Variants in CIRSR observed in about 807,000 individuals in gnomAD.
CIRSR encodes CBF1 (RBPJ) interacting corepressor 1.
At chr2:174,378,994 T>C in the CIRSR span, 7 of 1,613,984 alleles carry the variant, frequency 4.3e-6, no homozygotes, top group East Asian at 2.2e-5. Context: ...TCGATCTGTG[T>C]TGACATGACC....
chr2:174,354,645 AT>A, the CIRSR span, among the ~76,000 whole-genome samples: 55 of 79,038 alleles, frequency 7.0e-4, no homozygotes, highest in Non-Finnish European at 9.9e-4. Flanking sequence ...TATATTATAT[AT>A]TTTTATATAT....
the CIRSR span, among the ~76,000 whole-genome samples, chr2:174,349,799 C>G: frequency 6.6e-6 from 1 of 151,854 alleles, no homozygotes; most frequent in African/African-American, 2.4e-5. Flanking sequence ...TAAAGAAAGC[C>G]TGTGAAAGGT....
At chr2:174,349,046 A>AGAG in the CIRSR span, 29 of 1,592,030 alleles carry the variant, frequency 1.8e-5, no homozygotes, top group African/African-American at 8.1e-5. Flanking sequence ...CAGTAGAGGA[A>AGAG]GAGGAGGAGG....
chr2:174,385,802 A>C, the CIRSR span, among the ~76,000 whole-genome samples: 1 of 152,248 alleles, frequency 6.6e-6, no homozygotes, highest in Non-Finnish European at 1.5e-5. Flanking sequence ...TAGAAAATTA[A>C]TAGTAACTAG....
chr2:174,348,816 C>T, the CIRSR span: 6 of 1,614,154 alleles, frequency 3.7e-6, no homozygotes, highest in East Asian at 1.3e-4. Flanking sequence ...GCTGTCCTCC[C>T]TAGAACTCTC....
chr2:174,394,664 T>TG, the CIRSR span, among the ~76,000 whole-genome samples: 13 of 152,038 alleles, frequency 8.6e-5, no homozygotes, highest in Non-Finnish European at 1.6e-4. Flanking sequence ...AAGGTAACAG[T>TG]GAAAAAAAAG....
At chr2:174,361,955 T>G in the CIRSR span, among the ~76,000 whole-genome samples, 1 of 152,178 alleles carries the variant, frequency 6.6e-6, no homozygotes, top group African/African-American at 2.4e-5. Flanking sequence ...TACCATATTA[T>G]CCTATCTACT....
At chr2:174,351,961 G>C in the CIRSR span, 1 of 341,120 alleles carries the variant, frequency 2.9e-6, no homozygotes, top group Non-Finnish European at 5.3e-6. Context: ...ATGTAACTTT[G>C]TCATATTGAA....
At chr2:174,385,263 G>C in the CIRSR span, among the ~76,000 whole-genome samples, 1 of 138,376 alleles carries the variant, frequency 7.2e-6, no homozygotes, top group Non-Finnish European at 1.6e-5. Context: ...TAGGAAAAAA[G>C]TATAAAGCGA....
the CIRSR span, among the ~76,000 whole-genome samples, chr2:174,355,584 G>C: frequency 6.6e-6 from 1 of 152,146 alleles, no homozygotes. Context: ...TCCATGTTCT[G>C]ATTAGACCCA....
the CIRSR span, among the ~76,000 whole-genome samples, chr2:174,372,386 C>G: frequency 6.6e-6 from 1 of 152,118 alleles, no homozygotes; most frequent in African/African-American, 2.4e-5. Flanking sequence ...CTAAAAGTAT[C>G]TGTCTCTCTG....
chr2:174,354,431 G>A, the CIRSR span, among the ~76,000 whole-genome samples: 61,779 of 93,858 alleles, frequency 0.66, 20,299 homozygotes, highest in East Asian at 0.81. Flanking sequence ...TATATTATAT[G>A]ATATATATAA....
chr2:174,377,479 AT>A, the CIRSR span, among the ~76,000 whole-genome samples: 1 of 152,056 alleles, frequency 6.6e-6, no homozygotes, highest in Non-Finnish European at 1.5e-5. Context: ...TGAGCGAATA[AT>A]TTCCTTCTAC....
At chr2:174,389,079 A>G in the CIRSR span, among the ~76,000 whole-genome samples, 1 of 152,242 alleles carries the variant, frequency 6.6e-6, no homozygotes, top group Admixed American at 6.5e-5. Context: ...GCAGCGTGAG[A>G]ATAGACTAAT....
At chr2:174,359,017 A>T in the CIRSR span, among the ~76,000 whole-genome samples, 1 of 152,244 alleles carries the variant, frequency 6.6e-6, no homozygotes, top group African/African-American at 2.4e-5. Context: ...TATGTTTTAA[A>T]TGAGTTATGG....
chr2:174,375,716 CAT>C, the CIRSR span, among the ~76,000 whole-genome samples: 1 of 152,282 alleles, frequency 6.6e-6, no homozygotes, highest in South Asian at 2.1e-4. Flanking sequence ...AAAAAGGTAA[CAT>C]ATTTAGTTTT....
At chr2:174,383,499 C>T in the CIRSR span, among the ~76,000 whole-genome samples, 1 of 151,980 alleles carries the variant, frequency 6.6e-6, no homozygotes. Context: ...GCGGGTGGAT[C>T]ACCTCAGGTC....
At chr2:174,384,308 T>A in the CIRSR span, among the ~76,000 whole-genome samples, 1 of 152,148 alleles carries the variant, frequency 6.6e-6, no homozygotes, top group African/African-American at 2.4e-5. Context: ...TATGAGGCAT[T>A]TAGAATAGGC....
the CIRSR span, among the ~76,000 whole-genome samples, chr2:174,376,536 A>G: frequency 4.6e-5 from 7 of 152,084 alleles, no homozygotes; most frequent in Admixed American, 3.9e-4. Flanking sequence ...GGTGGCTCAC[A>G]TCTGTAATCC....
Sources: gnomAD v4.1 joint callset for allele counts (sites outside exome capture counted in the v4.1 genomes callset) on GRCh38, gnomAD v4.1.1 for gene constraint, MANE v1.5 for transcripts, NCBI Gene and HGNC (gene_info 2026-07-23, HGNC 2026-07-21) for gene names.